Variants in LRRC69 observed in about 807,000 individuals in gnomAD.
LRRC69 encodes leucine rich repeat containing 69.
LRRC69 carries 42 observed loss-of-function variants against 37.8 expected under a neutral mutation model. That is an observed-to-expected ratio of 1.11 (90% CI 0.87 to 1.44). LRRC69 has a LOEUF of 1.44. Ranked by LOEUF, LRRC69 falls within the 40% of genes most tolerant of loss-of-function variation. The pLI is 0.00. For missense variants in LRRC69, 357 were observed against 401.9 expected, an observed-to-expected ratio of 0.89 and a Z score of 0.96; for synonymous variants, 141 against 143.1, an observed-to-expected ratio of 0.99 and a Z score of 0.11.
chr8:91,178,017 T>G (rs1160633713), intron 5 of LRRC69, among the ~76,000 whole-genome samples: 1 of 151,858 alleles, frequency 6.6e-6, no homozygotes, highest in Non-Finnish European at 1.5e-5. Context: ...CCCGGCTAAT[T>G]TTTTGTGTTT....
At chr8:91,131,331 C>T (rs918297710) in intron 3 of LRRC69, among the ~76,000 whole-genome samples, 28 of 150,852 alleles carry the variant, frequency 1.9e-4, no homozygotes, top group Non-Finnish European at 2.7e-4. Flanking sequence ...ACCTTGGCCT[C>T]CCAAAGTTAT....
At chr8:91,194,211 G>T (rs1168214411) in intron 6 of LRRC69, among the ~76,000 whole-genome samples, 25 of 142,016 alleles carry the variant, frequency 1.8e-4, no homozygotes, top group Non-Finnish European at 1.4e-4. Flanking sequence ...TTGATCATGG[G>T]GGATAAGCTT....
chr8:91,166,438 A>G (rs1017043517), intron 5 of LRRC69, among the ~76,000 whole-genome samples: 2 of 146,998 alleles, frequency 1.4e-5, no homozygotes, highest in Admixed American at 6.9e-5. Flanking sequence ...CTCTGGGGCA[A>G]TCTAACCTGG....
chr8:91,185,599 A>G (rs1809395550), intron 5 of LRRC69, among the ~76,000 whole-genome samples: 2 of 152,170 alleles, frequency 1.3e-5, no homozygotes, highest in African/African-American at 4.8e-5. Context: ...TTATGTTCAA[A>G]TGATATCATC....
chr8:91,194,687 G>A (rs1295379260), intron 6 of LRRC69, among the ~76,000 whole-genome samples: 1 of 152,114 alleles, frequency 6.6e-6, no homozygotes, highest in Non-Finnish European at 1.5e-5. Flanking sequence ...TGGGATCGGT[G>A]ATGATATCCC....
chr8:91,153,664 A>T (rs923367849), intron 5 of LRRC69, among the ~76,000 whole-genome samples: 4 of 151,926 alleles, frequency 2.6e-5, no homozygotes, highest in African/African-American at 9.7e-5. Flanking sequence ...CTTTGGAAAC[A>T]GTGAGAACAA....
rs141171889 is a variant in LRRC69, at chr8:91,190,317, C to T, written c.753+694C>T. Among the ~76,000 whole-genome samples, 251 of 150,066 alleles carry T rather than the reference C, an allele frequency of 1.7e-3. 1 individual carries two copies. The East Asian group carries it at 0.02, about 12-fold the overall frequency. ...TTGTATGAATAATACCTGTTTATTG[C>T]AGAAAACAATAACATACAGATGAGC... is the stretch of plus-strand genomic sequence containing the variant. On this transcript the variant is annotated intron_variant, in intron 6 of 7. Coordinates refer to ENST00000448384, the Ensembl canonical transcript of LRRC69.
In LRRC69 at chr8:91,177,408, C is replaced by T. The variant is rs555628728; in HGVS notation, c.652-12114C>T. ...TGATCTCAGGCAAATATTCAATAGA[C>T]TATTCATTCTATTTTACTTTATTTG... On this transcript the variant is annotated intron_variant, in intron 5 of 7. Transcript: ENST00000448384. 2.6e-4 allele frequency among the ~76,000 whole-genome samples: 39 copies of T among 152,156 alleles called. No individual in the cohort carries two copies. The East Asian group carries it at 7.0e-3, about 27-fold the overall frequency.
intron 2 of LRRC69, 39 bp from the exon 3 acceptor site, chr8:91,127,049 T>A (rs556313448): frequency 6.8e-5 from 99 of 1,460,098 alleles, no homozygotes; most frequent in Non-Finnish European, 8.9e-5. Flanking sequence ...AAAAATTATC[T>A]AACAGATGGC....
At chr8:91,151,359 G>A (rs551223322) in intron 5 of LRRC69, among the ~76,000 whole-genome samples, 2 of 151,720 alleles carry the variant, frequency 1.3e-5, no homozygotes, top group Non-Finnish European at 2.9e-5. Flanking sequence ...TAGTCATTCA[G>A]GAGCAGGTTG....
chr8:91,175,992 G>A (rs987796497), intron 5 of LRRC69, among the ~76,000 whole-genome samples: 1 of 150,966 alleles, frequency 6.6e-6, no homozygotes, highest in Non-Finnish European at 1.5e-5. Context: ...TTAACATTTT[G>A]TAGGTATCTC....
chr8:91,151,994 T>C (rs1444264726), intron 5 of LRRC69, among the ~76,000 whole-genome samples: 1 of 151,804 alleles, frequency 6.6e-6, no homozygotes, highest in Non-Finnish European at 1.5e-5. Context: ...ATGTTTATTT[T>C]TCTTGCAAAT....
chr8:91,135,909 T>A (rs562273641), intron 5 of LRRC69, among the ~76,000 whole-genome samples, 170 bp downstream of exon 5: 1 of 152,046 alleles, frequency 6.6e-6, no homozygotes, highest in Non-Finnish European at 1.5e-5. Context: ...CCTGTTTTTT[T>A]CTTTGTGTTC....
chr8:91,127,250 G>A, intron 3 of LRRC69, 90 bp downstream of exon 3: 1 of 939,148 alleles, frequency 1.1e-6, no homozygotes, highest in Non-Finnish European at 1.6e-6. Flanking sequence ...CCTAGCATAA[G>A]TCCCTGTGAG....
intron 6 of LRRC69, among the ~76,000 whole-genome samples, chr8:91,197,153 C>T (rs1412348274): frequency 5.3e-5 from 8 of 152,140 alleles, no homozygotes; most frequent in African/African-American, 9.7e-5. Context: ...TTAGGCTACT[C>T]GGGGGTCAGG....
At chr8:91,116,436 G>T (rs1813512085) in intron 1 of LRRC69, among the ~76,000 whole-genome samples, 1 of 151,964 alleles carries the variant, frequency 6.6e-6, no homozygotes, top group Admixed American at 6.6e-5. Context: ...ACTCAAGAAT[G>T]TGCACATGAT....
chr8:91,189,644 C>T (rs1809460715), intron 6 of LRRC69, 21 bp downstream of exon 6: 3 of 1,423,604 alleles, frequency 2.1e-6, no homozygotes, highest in Non-Finnish European at 2.9e-6. Flanking sequence ...ACCTCATTAA[C>T]TTAAGTCTTC....
At chr8:91,200,327 A>G (rs1440881976) in intron 6 of LRRC69, among the ~76,000 whole-genome samples, 2 of 152,226 alleles carry the variant, frequency 1.3e-5, no homozygotes, top group Non-Finnish European at 2.9e-5. Flanking sequence ...AACTGTATCT[A>G]ACTTTATAAA....
chr8:91,186,525 T>G lies in LRRC69; in HGVS notation c.652-2997T>G, dbSNP rs116704655. Among the ~76,000 whole-genome samples the G allele has an allele frequency of 4.5e-3, 679 of 152,188 alleles. 5 individuals carry two copies. The highest frequency in any genetic ancestry group is 0.016 in the African/African-American group (648 of 41,514). On this transcript the variant is annotated intron_variant, in intron 5 of 7. Coordinates refer to ENST00000448384, the Ensembl canonical transcript of LRRC69. Reference sequence around the variant, plus strand: ...CTCTGAAAGCTTAAAAGGGTAAAGATGGGGCTTACTAGGATATATGGTTGG... The same window carrying G: ...CTCTGAAAGCTTAAAAGGGTAAAGAGGGGGCTTACTAGGATATATGGTTGG...
Sources: allele counts gnomAD v4.1 joint callset (sites outside exome capture counted in the v4.1 genomes callset), GRCh38; gene constraint gnomAD v4.1.1; transcripts MANE v1.5; gene names NCBI Gene and HGNC (gene_info 2026-07-23, HGNC 2026-07-21).